Variants in TUBB8 observed in about 807,000 individuals in gnomAD.
TUBB8 encodes the protein tubulin beta 8 class VIII, also known as tubulin beta-8 chain.
A neutral mutation model predicts 33.7 loss-of-function variants in TUBB8; 25 were observed. The observed-to-expected ratio is 0.74, with a 90% confidence interval of 0.54 to 1.04. The LOEUF is 1.04. Ranked by LOEUF, TUBB8 falls within the 50% of genes least tolerant of loss-of-function variation. The pLI is 0.00. For synonymous variants in TUBB8, 245 were observed against 240.1 expected (o/e 1.02, Z -0.19); for missense variants, 279 against 608.0 (o/e 0.46, Z 5.69).
At chr10:57,325 C>T (rs1455103552) in intron 1 of TUBB8, among the ~76,000 whole-genome samples, 1 of 152,232 alleles carries the variant, frequency 6.6e-6, no homozygotes, top group Non-Finnish European at 1.5e-5. Context: ...ATCCTCTCCT[C>T]ACAGGTCTAC....
At chr10:71,779 T>C (rs1834739313) in intron 1 of TUBB8, among the ~76,000 whole-genome samples, 1 of 149,988 alleles carries the variant, frequency 6.7e-6, no homozygotes, top group Non-Finnish European at 1.5e-5. Flanking sequence ...GCATGGTGGC[T>C]GGTGCCTATA....
At chr10:73,973 G>A (rs1204711760) in exon 1 of TUBB8, 1 of 156,660 alleles carries the variant, frequency 6.4e-6, no homozygotes, top group South Asian at 2.1e-4. Context: ...CCTCACTTTT[G>A]CCTCGGTGTC....
chr10:51,726 A>G, upstream of TUBB8, among the ~76,000 whole-genome samples: 1 of 86,610 alleles, frequency 1.2e-5, no homozygotes, highest in South Asian at 3.5e-4. Context: ...TTTCATAAAT[A>G]TTCTCCTATT....
At chr10:49,422 G>T, upstream of TUBB8, 1 of 716,284 alleles carries the variant, frequency 1.4e-6, no homozygotes. Flanking sequence ...GGATCCCCTG[G>T]CGCTGAACAT....
chr10:51,213 C>T (rs1198872824), upstream of TUBB8, among the ~76,000 whole-genome samples: 2 of 152,112 alleles, frequency 1.3e-5, no homozygotes, highest in African/African-American at 2.4e-5. Context: ...TGGGTTCAAG[C>T]GATTCCTGTC....
upstream of TUBB8, among the ~76,000 whole-genome samples, chr10:51,510 C>T (rs1244000581): frequency 2.6e-5 from 4 of 152,212 alleles, no homozygotes; most frequent in African/African-American, 9.6e-5. Context: ...CCATGTGCAA[C>T]TGTGAGTCAA....
At chr10:61,159 G>T (rs1305469632) in intron 1 of TUBB8, among the ~76,000 whole-genome samples, 2 of 151,754 alleles carry the variant, frequency 1.3e-5, no homozygotes, top group Non-Finnish European at 2.9e-5. Flanking sequence ...GCACCAGCAT[G>T]GCACATGTAT....
intron 1 of TUBB8, among the ~76,000 whole-genome samples, chr10:58,724 A>G: frequency 6.6e-6 from 1 of 152,248 alleles, no homozygotes; most frequent in Non-Finnish European, 1.5e-5. Flanking sequence ...GCCATTTATG[A>G]GTAATCCACC....
chr10:52,430 C>G (rs1834480230), upstream of TUBB8, among the ~76,000 whole-genome samples: 1 of 152,210 alleles, frequency 6.6e-6, no homozygotes, highest in South Asian at 2.1e-4. Flanking sequence ...TGAGGTGAGT[C>G]AGAGAGCACA....
At chr10:73,583 C>T (rs1274325189) in intron 1 of TUBB8, among the ~76,000 whole-genome samples, 1 of 151,972 alleles carries the variant, frequency 6.6e-6, no homozygotes, top group Non-Finnish European at 1.5e-5. Context: ...GCGGAGGTTG[C>T]AGTGAGCCGA....
In TUBB8 at chr10:48,608, A is replaced by T. The variant is rs781901550; in HGVS notation, c.277+7T>A. 4.4e-5 allele frequency: 71 copies of T among 1,610,268 alleles called. 1 individual carries two copies. In the Middle Eastern group the frequency reaches 8.3e-4, roughly 19 times the overall value. Reference sequence around the variant, plus strand: ...GAGCCGCACCCCAGTCCTCGCCCGCAGCTCACCGAAGATGAAGTTGTCTGG... The same window carrying T: ...GAGCCGCACCCCAGTCCTCGCCCGCTGCTCACCGAAGATGAAGTTGTCTGG... On this transcript the variant is annotated splice_region_variant and intron_variant, in intron 3 of 3. Transcript: ENST00000568584.
chr10:75,121 C>T (rs1180959691), upstream of TUBB8, among the ~76,000 whole-genome samples: 1 of 151,500 alleles, frequency 6.6e-6, no homozygotes, highest in Non-Finnish European at 1.5e-5. Context: ...GTGATCCCCC[C>T]ACCAAGGCCT....
intron 1 of TUBB8, among the ~76,000 whole-genome samples, chr10:73,790 C>A (rs1303288750): frequency 6.6e-6 from 1 of 151,698 alleles, no homozygotes. Context: ...AGGGTCTCTC[C>A]CCAGAAACAA....
intron 1 of TUBB8, among the ~76,000 whole-genome samples, chr10:67,247 G>A (rs531828702): frequency 1.8e-4 from 28 of 151,918 alleles, no homozygotes; most frequent in Non-Finnish European, 3.1e-4. Flanking sequence ...CCAAAAGGAC[G>A]TTGGGATTGT....
At chr10:59,413 T>C (rs1220256976) in intron 1 of TUBB8, among the ~76,000 whole-genome samples, 1 of 152,222 alleles carries the variant, frequency 6.6e-6, no homozygotes, top group East Asian at 1.9e-4. Flanking sequence ...GGTTTTGAAC[T>C]CCTGAACTCA....
intron 1 of TUBB8, among the ~76,000 whole-genome samples, chr10:71,189 C>T (rs534327592): frequency 6.6e-6 from 1 of 152,232 alleles, no homozygotes; most frequent in Admixed American, 6.5e-5. Context: ...ATGGCACACA[C>T]TTGTAGTCCC....
At chr10:66,673 A>G (rs1326213162) in intron 1 of TUBB8, among the ~76,000 whole-genome samples, 4 of 152,244 alleles carry the variant, frequency 2.6e-5, no homozygotes, top group Admixed American at 6.5e-5. Flanking sequence ...AAGAAATTAC[A>G]TTTTTAAAAA....
intron 1 of TUBB8, among the ~76,000 whole-genome samples, chr10:61,539 A>T (rs573965253): frequency 6.6e-6 from 1 of 152,234 alleles, no homozygotes; most frequent in Non-Finnish European, 1.5e-5. Flanking sequence ...TATCCTTGAA[A>T]ATAACCCATG....
In TUBB8 at chr10:49,197, A is replaced by G. The variant is rs199892705; in HGVS notation, c.42T>C (p.Asn14=). The change falls in exon 1 of 4, where the codon AAT becomes AAC. Residue 14 remains asparagine (N), a synonymous_variant. Coordinates refer to ENST00000568584, the MANE Select transcript of TUBB8 (RefSeq NM_177987.3). ...GGCTGCCAACCTTGGCGCCGATCTG[A>G]TTCCCGCACTGCCCGATCTGCGTGA... ...IVLTQIGQCG[N]QIGAKFWEVI... The G allele has an allele frequency of 2.2e-5, 34 of 1,577,882 alleles. No homozygotes were observed. Among genetic ancestry groups the G allele is most frequent in the South Asian group, 3.5e-5 (3 of 86,372 alleles).
Sources: allele counts gnomAD v4.1 joint callset (sites outside exome capture counted in the v4.1 genomes callset), GRCh38; gene constraint gnomAD v4.1.1; transcripts MANE v1.5; gene names NCBI Gene and HGNC (gene_info 2026-07-23, HGNC 2026-07-21).